The following RFTN1 variants were observed in gnomAD, a reference collection of about 807,000 sequenced individuals.
RFTN1 encodes the protein raftlin, lipid raft linker 1, also known as raftlin.
In RFTN1, 26 loss-of-function variants were observed where a neutral mutation model predicts 46.5. The observed-to-expected ratio is 0.56, with a 90% CI of 0.41 to 0.78. The LOEUF (loss-of-function observed/expected upper bound fraction) is 0.78, where lower values mean the gene tolerates loss of function less well. RFTN1 is among the 30% of genes least tolerant of loss of function. The probability of loss-of-function intolerance (pLI) is 0.00; values close to 1 mark genes in which losing one functional copy is unlikely to be tolerated. For missense variants in RFTN1, 693 were observed against 718.7 expected, an observed-to-expected ratio of 0.96 and a Z score of 0.41; for synonymous variants, 261 against 284.2, an observed-to-expected ratio of 0.92 and a Z score of 0.82.
At position 16,402,300 on chromosome 3, in the gene RFTN1, C is replaced by A. The variant is rs1381434118; in HGVS notation, c.441+7075G>T. Among the ~76,000 whole-genome samples the A allele has an allele frequency of 6.6e-6, 1 of 152,188 alleles. No individual in the cohort carries two copies. The highest frequency in any genetic ancestry group is 1.5e-5 in the Non-Finnish European group (1 of 68,038). On this transcript the variant is annotated intron_variant, in intron 4 of 9. Coordinates refer to ENST00000334133, the MANE Select transcript of RFTN1 (RefSeq NM_015150.2). This position sits in a 1 kb window ranked among gnomAD's most constrained non-coding sequence, Gnocchi z 4.5. Reference sequence around the variant, plus strand: ...TATGTATTAAGTCCTGAAGACACAACAGTAAGCAGGGTACCCCATTGCCCC... The same window carrying A: ...TATGTATTAAGTCCTGAAGACACAAAAGTAAGCAGGGTACCCCATTGCCCC...
In RFTN1 at chr3:16,374,763, G is replaced by GTGA. The variant is rs2073680882; in HGVS notation, c.826+2952_826+2954dup. ...TGAGGCTGTCCCTGCACAGGCTCAG[G>GTGA]TGATCACGGCACAGCACGGACCTCC... On this transcript the variant is annotated intron_variant, in intron 5 of 9. Transcript: ENST00000334133. The surrounding 1 kb of genome is among the most constrained non-coding windows in gnomAD (Gnocchi z 5.4). Among the ~76,000 whole-genome samples the GTGA allele has an allele frequency of 6.6e-6, 1 of 152,174 alleles. No homozygotes were observed. Among genetic ancestry groups the GTGA allele is most frequent in the African/African-American group, 2.4e-5 (1 of 41,436 alleles).
intron 3 of RFTN1, among the ~76,000 whole-genome samples, chr3:16,412,801 G>A (rs540255866): frequency 1.5e-4 from 23 of 152,368 alleles, no homozygotes; most frequent in South Asian, 4.1e-4. Flanking sequence ...TCAGGAAGAA[G>A]GAGAGAGCCA....
At position 16,481,468 on chromosome 3, in the gene RFTN1, T is replaced by C. The variant is rs2076366667; in HGVS notation, c.145+12257A>G. Among the ~76,000 whole-genome samples, 1 of 152,130 alleles carries C rather than the reference T, an allele frequency of 6.6e-6. No individual in the cohort carries two copies. The highest frequency in any genetic ancestry group is 2.4e-5 in the African/African-American group (1 of 41,408). ...CACACCTCCCAGCCAGAACCTCAAC[T>C]CATAACTCATGCCATTGACTTCCTT... On this transcript the variant is annotated intron_variant, in intron 2 of 9. Transcript: ENST00000334133. The surrounding 1 kb of genome is among the most constrained non-coding windows in gnomAD (Gnocchi z 5.1).
chr3:16,345,694 C>T lies in RFTN1; in HGVS notation c.1146+12238G>A, dbSNP rs1458255513. ...CTAGCTCTCAGGCCTCTGAACCATACCACTGGCTTTCCTGGGTCTCCAGCT... is the reference window on the plus strand; with the variant it reads ...CTAGCTCTCAGGCCTCTGAACCATATCACTGGCTTTCCTGGGTCTCCAGCT... On this transcript the variant is annotated intron_variant, in intron 7 of 9. Transcript: ENST00000334133. The surrounding 1 kb of genome is among the most constrained non-coding windows in gnomAD (Gnocchi z 5.2). Among the ~76,000 whole-genome samples the T allele has an allele frequency of 1.3e-5, 2 of 152,070 alleles. No homozygotes were observed. Among genetic ancestry groups the T allele is most frequent in the African/African-American group, 2.4e-5 (1 of 41,378 alleles).
chr3:16,436,041 G>C (rs2075506910), intron 2 of RFTN1, among the ~76,000 whole-genome samples: 1 of 149,908 alleles, frequency 6.7e-6, no homozygotes, highest in South Asian at 2.1e-4. Context: ...GATGTATAAA[G>C]TTATTTCTTT....
intron 4 of RFTN1, among the ~76,000 whole-genome samples, chr3:16,405,680 G>A (rs1478184543): frequency 6.6e-6 from 1 of 152,114 alleles, no homozygotes; most frequent in African/African-American, 2.4e-5. Context: ...TCTATCCAAA[G>A]GTTCTGCTAA....
Position 16,370,153 on chromosome 3 carries a change from C to T in RFTN1, c.953G>A (p.Trp318Ter). ...GAAGTGGTCGCTCATGTGCTCTAACCAGTTGGCGTCCAAACCGCTCACTGT... is the reference window on the plus strand; with the variant it reads ...GAAGTGGTCGCTCATGTGCTCTAACTAGTTGGCGTCCAAACCGCTCACTGT... ...GQTVSGLDANWLEHMSDHFRK... is the reference protein window; with the variant it reads ...GQTVSGLDAN Residue 318 changes from tryptophan (W) to a stop codon, truncating the protein, a stop_gained, in exon 6 of 10, where the codon TGG becomes TAG. Coordinates refer to ENST00000334133, the MANE Select transcript of RFTN1 (RefSeq NM_015150.2). LOFTEE classifies it high-confidence loss of function. The surrounding 1 kb of genome is among the most constrained non-coding windows in gnomAD (Gnocchi z 5.5). The T allele has an allele frequency of 1.2e-6, 2 of 1,614,240 alleles. No homozygotes were observed. Among genetic ancestry groups the T allele is most frequent in the East Asian group, 2.2e-5 (1 of 44,890 alleles).
At chr3:16,472,679 G>C (rs550487890) in intron 2 of RFTN1, 36 of 152,358 alleles carry the variant, frequency 2.4e-4, no homozygotes, top group African/African-American at 8.7e-4. Flanking sequence ...ACGATTCTCA[G>C]TTATGTTTCC....
chr3:16,376,600 G>A lies in RFTN1; in HGVS notation c.826+1118C>T, dbSNP rs2125374294. 6.6e-6 allele frequency among the ~76,000 whole-genome samples: 1 copy of A among 152,318 alleles called. No homozygotes were observed. ...CTCAGCTACTTCATGAGGGCAGCAG[G>A]CATGTGCCTCAAACAGCGAAAAATC... On this transcript the variant is annotated intron_variant, in intron 5 of 9. Transcript: ENST00000334133. The surrounding 1 kb of genome is among the most constrained non-coding windows in gnomAD (Gnocchi z 4.7).
rs982034433 is a variant in RFTN1 at position 16,382,174 on chromosome 3, G to A, written c.442-4072C>T. Among the ~76,000 whole-genome samples, 5 of 152,196 alleles carry A rather than the reference G, an allele frequency of 3.3e-5. No homozygotes were observed. The highest frequency in any genetic ancestry group is 7.2e-5 in the African/African-American group (3 of 41,440). On this transcript the variant is annotated intron_variant, in intron 4 of 9. Coordinates refer to ENST00000334133, the MANE Select transcript of RFTN1 (RefSeq NM_015150.2). The surrounding 1 kb of genome is among the most constrained non-coding windows in gnomAD (Gnocchi z 4.7). Reference sequence around the variant, plus strand: ...ATTCCTGGAAGTAGAATTAATGAATGAAGGGATATTAACTTTTCAAAGGCT... The same window carrying A: ...ATTCCTGGAAGTAGAATTAATGAATAAAGGGATATTAACTTTTCAAAGGCT...
rs1424393822 is a variant in RFTN1 at position 16,335,793 on chromosome 3, AAAG to A, written c.1147-8920_1147-8918del. ...TGGAACTTTAAAAAAAAAAAAAAAA[AAAG>A]GAGTTTGATCACACCATCAAATATC... On this transcript the variant is annotated intron_variant, in intron 7 of 9. Transcript: ENST00000334133. The surrounding 1 kb of genome is among the most constrained non-coding windows in gnomAD (Gnocchi z 4.7). Among the ~76,000 whole-genome samples, 2 of 141,036 alleles carry A rather than the reference AAAG, an allele frequency of 1.4e-5. No individual in the cohort carries two copies. Among genetic ancestry groups the A allele is most frequent in the South Asian group, 2.1e-4 (1 of 4,716 alleles). The allele number at this position is 141,036 out of a possible 152,430, so 92.5% of individuals were successfully genotyped here. A position where few individuals can be genotyped will look rare whatever the true frequency, so the allele number is the denominator to read the frequency against.
rs567888898 is a variant in RFTN1, at chr3:16,426,092, G to A, written c.332+7759C>T. Reference sequence around the variant, plus strand: ...ACCTTCCTCAATGTCTGCTCTCTGGGAATAAACCGGCGGCTGCAGTTTCCC... The same window carrying A: ...ACCTTCCTCAATGTCTGCTCTCTGGAAATAAACCGGCGGCTGCAGTTTCCC... On this transcript the variant is annotated intron_variant, in intron 3 of 9. Coordinates refer to ENST00000334133, the MANE Select transcript of RFTN1 (RefSeq NM_015150.2). This position sits in a 1 kb window ranked among gnomAD's most constrained non-coding sequence, Gnocchi z 5.9. 6.6e-6 allele frequency among the ~76,000 whole-genome samples: 1 copy of A among 152,150 alleles called. No individual in the cohort carries two copies. Among genetic ancestry groups the A allele is most frequent in the African/African-American group, 2.4e-5 (1 of 41,416 alleles).
At chr3:16,453,232 C>A (rs1056281608) in intron 2 of RFTN1, among the ~76,000 whole-genome samples, 2 of 152,180 alleles carry the variant, frequency 1.3e-5, no homozygotes, top group Non-Finnish European at 2.9e-5. Context: ...ATGCTCTTAA[C>A]CTCTACACTA....
chr3:16,467,527 C>T (rs1053112654), intron 2 of RFTN1, among the ~76,000 whole-genome samples: 1 of 152,136 alleles, frequency 6.6e-6, no homozygotes, highest in Non-Finnish European at 1.5e-5. Context: ...CTCAAACATG[C>T]CAAGCACATG....
At chr3:16,354,756 T>A (rs1048239042) in intron 7 of RFTN1, among the ~76,000 whole-genome samples, 1 of 152,256 alleles carries the variant, frequency 6.6e-6, no homozygotes, top group African/African-American at 2.4e-5. Flanking sequence ...CCCTTTTGAT[T>A]ACAAACTCCA....
rs2075432229 is a variant in RFTN1, at chr3:16,433,264, T to C, written c.332+587A>G. On this transcript the variant is annotated intron_variant, in intron 3 of 9. Coordinates refer to ENST00000334133, the MANE Select transcript of RFTN1 (RefSeq NM_015150.2). The surrounding 1 kb of genome is among the most constrained non-coding windows in gnomAD (Gnocchi z 4.4). ...ATTAGGCTCAACTGAAATATAGGCATAAGCATTCAACTGGGCAAGCCAAAC... is the reference window on the plus strand; with the variant it reads ...ATTAGGCTCAACTGAAATATAGGCACAAGCATTCAACTGGGCAAGCCAAAC... 6.6e-6 allele frequency among the ~76,000 whole-genome samples: 1 copy of C among 152,106 alleles called. No individual in the cohort carries two copies. The highest frequency in any genetic ancestry group is 1.5e-5 in the Non-Finnish European group (1 of 68,022).
At position 16,509,253 on chromosome 3, in the gene RFTN1, C is replaced by T. The variant is rs914164152; in HGVS notation, c.-9+4189G>A. On this transcript the variant is annotated intron_variant, in intron 1 of 9. Transcript: ENST00000334133. The surrounding 1 kb of genome is among the most constrained non-coding windows in gnomAD (Gnocchi z 4.9). ...GATTGCAGTGTATCATTTCCTGTAA[C>T]GCTGTTCTGATTATCTAATTTACAT... is the stretch of plus-strand genomic sequence containing the variant. 1.3e-5 allele frequency among the ~76,000 whole-genome samples: 2 copies of T among 152,032 alleles called. No homozygotes were observed. The highest frequency in any genetic ancestry group is 1.9e-4 in the East Asian group (1 of 5,188).
At chr3:16,502,573 T>C (rs2076729813) in intron 1 of RFTN1, among the ~76,000 whole-genome samples, 1 of 152,150 alleles carries the variant, frequency 6.6e-6, no homozygotes. Flanking sequence ...CAGGCTACTT[T>C]ATAGGAAACA....
chr3:16,416,393 AG>A (rs2075080061), intron 3 of RFTN1, among the ~76,000 whole-genome samples: 1 of 152,246 alleles, frequency 6.6e-6, no homozygotes, highest in Non-Finnish European at 1.5e-5. Flanking sequence ...AATGCAGTAT[AG>A]TACCCTGGAT....
Sources: gnomAD v4.1 joint callset for allele counts (sites outside exome capture counted in the v4.1 genomes callset) on GRCh38, gnomAD v4.1.1 for gene constraint, Gnocchi (gnomAD v3.1) non-coding constraint, MANE v1.5 for transcripts, NCBI Gene and HGNC (gene_info 2026-07-23, HGNC 2026-07-21) for gene names.